Variants in POFUT2 observed in about 807,000 individuals in gnomAD.
POFUT2 encodes the protein protein O-fucosyltransferase 2.
POFUT2 carries 30 observed loss-of-function variants against 55.0 expected under a neutral mutation model. The observed-to-expected ratio is 0.55, with a 90% CI of 0.41 to 0.74. POFUT2 has a LOEUF of 0.74. Among genes scored for constraint, POFUT2 ranks in the 30% least tolerant of loss-of-function variants. POFUT2 has a pLI of 0.00. For missense variants in POFUT2, 524 were observed against 562.6 expected (o/e 0.93, Z 0.69); for synonymous variants, 267 against 231.1 (o/e 1.16, Z -1.41).
Position 45,265,840 on chromosome 21 carries a change from G to A in POFUT2, c.1137-205C>T. On this transcript the variant is annotated intron_variant, in intron 8 of 8. Transcript: ENST00000349485. This position sits in a 1 kb window ranked among gnomAD's most constrained non-coding sequence, Gnocchi z 4.6. ...GTGCCCTCGACATCGGCGCCCTGAG[G>A]GGCTCTGCCTGGTGCTGCAGCCCCA... 1 of 1,394,180 alleles carries A rather than the reference G, an allele frequency of 7.2e-7. No individual in the cohort carries two copies. The highest frequency in any genetic ancestry group is 9.3e-7 in the Non-Finnish European group (1 of 1,073,760). 86.4% of individuals were successfully genotyped at this position (1,394,180 alleles called of 1,614,324 possible).
intron 4 of POFUT2, among the ~76,000 whole-genome samples, chr21:45,280,064 A>G (rs1243752280): frequency 6.6e-6 from 1 of 152,138 alleles, no homozygotes; most frequent in Non-Finnish European, 1.5e-5. Flanking sequence ...CACATTCCAC[A>G]CGGGCGCGGG....
intron 6 of POFUT2, among the ~76,000 whole-genome samples, chr21:45,275,058 A>C (rs986864715): frequency 1.3e-5 from 2 of 152,234 alleles, no homozygotes; most frequent in African/African-American, 4.8e-5. Context: ...AGAATCTACA[A>C]GGAAATGAAA....
chr21:45,265,425 A>T lies in POFUT2; in HGVS notation c.*57T>A, dbSNP rs1156410570. 6.7e-6 allele frequency: 10 copies of T among 1,493,004 alleles called. No homozygotes were observed. Among genetic ancestry groups the T allele is most frequent in the Non-Finnish European group, 9.1e-6 (10 of 1,097,272 alleles). The allele number at this position is 1,493,004 out of a possible 1,614,324, so 92.5% of individuals were successfully genotyped here. ...CAGTAGACGGTGACTCCACGGCGAC[A>T]GAACCTGCATCCACCCGCGCCTGTC... On this transcript the variant is annotated 3_prime_UTR_variant, in exon 9 of 9. Coordinates refer to ENST00000349485, the MANE Select transcript of POFUT2 (RefSeq NM_133635.6). The surrounding 1 kb of genome is among the most constrained non-coding windows in gnomAD (Gnocchi z 4.6).
chr21:45,268,125 CTG>C (rs1476662493), intron 7 of POFUT2, among the ~76,000 whole-genome samples: 5 of 151,500 alleles, frequency 3.3e-5, no homozygotes, highest in Non-Finnish European at 7.4e-5. Flanking sequence ...TGCCGAGTGC[CTG>C]CGATTGCAGG....
chr21:45,272,952 A>C (rs933676454), intron 6 of POFUT2, among the ~76,000 whole-genome samples: 2 of 152,222 alleles, frequency 1.3e-5, no homozygotes, highest in Non-Finnish European at 1.5e-5. Context: ...AAAATCTGAA[A>C]GAGCACAGAC....
chr21:45,269,149 G>A (rs1237442771), intron 7 of POFUT2, among the ~76,000 whole-genome samples: 6 of 147,410 alleles, frequency 4.1e-5, no homozygotes, highest in Non-Finnish European at 7.5e-5. Context: ...CAGCCGCCCC[G>A]TCTGGGAGGG....
At chr21:45,278,614 G>A (rs2030126471) in intron 4 of POFUT2, among the ~76,000 whole-genome samples, 1 of 152,234 alleles carries the variant, frequency 6.6e-6, no homozygotes, top group Admixed American at 6.5e-5. Context: ...AGCTGCATCT[G>A]TTCCGTGGTA....
chr21:45,275,575 A>G (rs149595311), intron 6 of POFUT2, among the ~76,000 whole-genome samples: 9 of 152,372 alleles, frequency 5.9e-5, no homozygotes, highest in Admixed American at 5.9e-4. Context: ...AGCCATAACA[A>G]GGAACGAAAT....
chr21:45,270,180 G>A lies in POFUT2; in HGVS notation c.832-161C>T. The A allele has an allele frequency of 2.3e-6, 1 of 426,956 alleles. No individual in the cohort carries two copies. The highest frequency in any genetic ancestry group is 4.1e-6 in the Non-Finnish European group (1 of 246,872). The allele number at this position is 426,956 out of a possible 1,614,324, so 26.4% of individuals were successfully genotyped here. On this transcript the variant is annotated intron_variant, in intron 6 of 8. Coordinates refer to ENST00000349485, the MANE Select transcript of POFUT2 (RefSeq NM_133635.6). The surrounding 1 kb of genome is among the most constrained non-coding windows in gnomAD (Gnocchi z 4.6). Reference sequence around the variant, plus strand: ...CTAAGGGATTCAGGTGGAATCTCGGGGGCGACCAGATGTCTTTCTAAGAAG... The same window carrying A: ...CTAAGGGATTCAGGTGGAATCTCGGAGGCGACCAGATGTCTTTCTAAGAAG...
In POFUT2 at chr21:45,281,267, G is replaced by C. The variant is rs2030605783; in HGVS notation, c.638+1082C>G. Among the ~76,000 whole-genome samples the C allele has an allele frequency of 6.6e-6, 1 of 152,206 alleles. No individual in the cohort carries two copies. The highest frequency in any genetic ancestry group is 1.9e-4 in the East Asian group (1 of 5,202). ...CCTGTAAATGTGAGTCAAAAAAACTGACTGGCAAGACTGTTCCACAGGCCC... is the reference window on the plus strand; with the variant it reads ...CCTGTAAATGTGAGTCAAAAAAACTCACTGGCAAGACTGTTCCACAGGCCC... On this transcript the variant is annotated intron_variant, in intron 4 of 8. Transcript: ENST00000349485. This position sits in a 1 kb window ranked among gnomAD's most constrained non-coding sequence, Gnocchi z 5.0.
chr21:45,276,113 C>T (rs1352314625), intron 6 of POFUT2, among the ~76,000 whole-genome samples: 19 of 152,138 alleles, frequency 1.2e-4, no homozygotes, highest in African/African-American at 4.6e-4. Context: ...TGCTTGAACC[C>T]GGGAGGCAGA....
chr21:45,284,991 G>A lies in POFUT2; in HGVS notation c.382+687C>T, dbSNP rs992460497. The stretch of plus-strand genomic sequence containing the variant: ...CCACATCCTTGAAAAATGATGACAC[G>A]GGAGCCACACTCCTTGGCAGGGAGC... On this transcript the variant is annotated intron_variant, in intron 2 of 8. Transcript: ENST00000349485. This position sits in a 1 kb window ranked among gnomAD's most constrained non-coding sequence, Gnocchi z 5.8. 6.6e-6 allele frequency among the ~76,000 whole-genome samples: 1 copy of A among 152,090 alleles called. No individual in the cohort carries two copies. The highest frequency in any genetic ancestry group is 2.4e-5 in the African/African-American group (1 of 41,400).
rs1301804869 is a variant in POFUT2 at position 45,282,078 on chromosome 21, T to TCAGCC, written c.638+266_638+270dup. Among the ~76,000 whole-genome samples the TCAGCC allele has an allele frequency of 6.6e-6, 1 of 151,022 alleles. No individual in the cohort carries two copies. Among genetic ancestry groups the TCAGCC allele is most frequent in the African/African-American group, 2.4e-5 (1 of 40,926 alleles). On this transcript the variant is annotated intron_variant, in intron 4 of 8. Transcript: ENST00000349485. This position sits in a 1 kb window ranked among gnomAD's most constrained non-coding sequence, Gnocchi z 4.6. ...AGCTCCCCGCCGCCCCCAGCCCAGC[T>TCAGCC]CAGCCCCTCCCTGTGCACCTGGCCG...
In POFUT2 at chr21:45,264,002, GCT is replaced by G. The variant is rs1308314617; in HGVS notation, c.*1478_*1479del. The G allele has an allele frequency of 1.3e-5, 2 of 152,242 alleles. No homozygotes were observed. Among genetic ancestry groups the G allele is most frequent in the Admixed American group, 1.3e-4 (2 of 15,280 alleles). 9.4% of individuals were successfully genotyped at this position (152,242 alleles called of 1,614,324 possible). A position where few individuals can be genotyped will look rare whatever the true frequency, so the allele number is the denominator to read the frequency against. ...GTCACAGTCCAAAATGTTTTATACA[GCT>G]CTCAGCCTGGAAAATGCAACTGATG... On this transcript the variant is annotated 3_prime_UTR_variant, in exon 9 of 9. Transcript: ENST00000349485.
chr21:45,280,444 T>C (rs1394915770), intron 4 of POFUT2, among the ~76,000 whole-genome samples: 1 of 152,212 alleles, frequency 6.6e-6, no homozygotes, highest in East Asian at 1.9e-4. Context: ...TGAACGTTCC[T>C]GGGCAGGGGT....
Position 45,287,741 on chromosome 21 carries a change from C to T in POFUT2, c.131G>A (p.Arg44Gln), listed in dbSNP as rs1473368987. The T allele has an allele frequency of 6.9e-7, 1 of 1,459,170 alleles. No homozygotes were observed. The highest frequency in any genetic ancestry group is 9.1e-7 in the Non-Finnish European group (1 of 1,097,906). 90.4% of individuals were successfully genotyped at this position (1,459,170 alleles called of 1,614,324 possible). The change falls in exon 1 of 9, where the codon CGG (arginine) becomes CAG (glutamine). Residue 44 changes from arginine (R) to glutamine (Q), a missense_variant and splice_region_variant. Physicochemically the swap from Arg to Gln is conservative, Grantham distance 43 (BLOSUM62 1). Around this residue, in one of 2 missense-constraint regions of POFUT2, gnomAD observed 274 missense variants for 244.4 expected, o/e 1.12. Coordinates refer to ENST00000349485, the MANE Select transcript of POFUT2 (RefSeq NM_133635.6). ...GTTGGCACCGTGGACGCGCGTTTAC[C>T]GTCTGCGGGAAGCCGCCCCCGACAG... is the stretch of plus-strand genomic sequence containing the variant. ...DILSGAASRR[R>Q]YLLYDVNPPE...
rs117761981 is a variant in POFUT2, at chr21:45,278,729, G to A, written c.639-560C>T. Among the ~76,000 whole-genome samples the A allele has an allele frequency of 2.5e-3, 376 of 152,360 alleles. 4 individuals carry two copies. In the East Asian group the frequency reaches 0.042, roughly 17 times the overall value. On this transcript the variant is annotated intron_variant, in intron 4 of 8. Transcript: ENST00000349485. ...GTCCCAGGAACACGGGCACACGACT[G>A]AAGCAGCGGCTGTGAAAGGTGAGGT...
rs558180814 is a variant in POFUT2 at position 45,284,218 on chromosome 21, C to T, written c.383-691G>A. On this transcript the variant is annotated intron_variant, in intron 2 of 8. Coordinates refer to ENST00000349485, the MANE Select transcript of POFUT2 (RefSeq NM_133635.6). This position sits in a 1 kb window ranked among gnomAD's most constrained non-coding sequence, Gnocchi z 5.8. ...AGGAACAAAGCGGGAGGGAGCATCG[C>T]GCAGGTGAAGTTCTGGGGCAGGAAC... Among the ~76,000 whole-genome samples, 8 of 151,952 alleles carry T rather than the reference C, an allele frequency of 5.3e-5. No individual in the cohort carries two copies. Among genetic ancestry groups the T allele is most frequent in the East Asian group, 1.9e-4 (1 of 5,170 alleles).
chr21:45,269,632 T>C (rs150360740), intron 7 of POFUT2, among the ~76,000 whole-genome samples: 45,334 of 151,076 alleles, frequency 0.3, 6,911 homozygotes, highest in East Asian at 0.43. Flanking sequence ...TCTCAAGTAA[T>C]CAGGGACACA....
Sources: gnomAD v4.1 joint callset for allele counts (sites outside exome capture counted in the v4.1 genomes callset) on GRCh38, gnomAD v4.1.1 for gene constraint, gnomAD v4.1.1 regional missense constraint, Gnocchi (gnomAD v3.1) non-coding constraint, MANE v1.5 for transcripts, NCBI Gene and HGNC (gene_info 2026-07-23, HGNC 2026-07-21) for gene names.